The following ZNF536 variants were observed in gnomAD, a reference collection of about 807,000 sequenced individuals.
ZNF536 encodes the protein zinc finger protein 536.
Under a neutral mutation model 84.5 loss-of-function variants are expected in ZNF536, and 13 were observed. That is an observed-to-expected ratio of 0.15 (90% CI 0.10 to 0.24). The LOEUF (loss-of-function observed/expected upper bound fraction) is 0.24, where lower values mean the gene tolerates loss of function less well. ZNF536 is among the 10% of genes least tolerant of loss of function. The pLI is 1.00. For synonymous variants in ZNF536, 811 were observed against 742.5 expected (o/e 1.09, Z -1.50); for missense variants, 1,536 against 1,747.5 (o/e 0.88, Z 2.16).
chr19:30,449,440 C>G (rs868600822), intron 2 of ZNF536, among the ~76,000 whole-genome samples: 2 of 152,210 alleles, frequency 1.3e-5, no homozygotes, highest in South Asian at 2.1e-4. Context: ...TGCTCTGAGT[C>G]AGAACACAAC....
intron 1 of ZNF536, among the ~76,000 whole-genome samples, chr19:30,630,590 G>A (rs1452966902): frequency 1.3e-5 from 2 of 152,198 alleles, no homozygotes; most frequent in African/African-American, 4.8e-5. Flanking sequence ...CCTGCCAGCA[G>A]CTTCTGCTGA....
chr19:30,239,487 G>A (rs1009696896), intron 1 of ZNF536, among the ~76,000 whole-genome samples: 12 of 152,168 alleles, frequency 7.9e-5, no homozygotes, highest in African/African-American at 2.4e-4. Flanking sequence ...CTCTGCAAAC[G>A]GGGTTTCCTA....
At position 30,228,907 on chromosome 19, in the gene ZNF536, G is replaced by A. The variant is rs2022796873; in HGVS notation, c.-190+234G>A. Among the ~76,000 whole-genome samples, 1 of 151,254 alleles carries A rather than the reference G, an allele frequency of 6.6e-6. No individual in the cohort carries two copies. The highest frequency in any genetic ancestry group is 2.4e-5 in the African/African-American group (1 of 41,072). On this transcript the variant is annotated intron_variant, in intron 1 of 5. Coordinates refer to the ZNF536 transcript ENST00000585628. The surrounding 1 kb of genome is among the most constrained non-coding windows in gnomAD (Gnocchi z 4.5). ...GGGCCAGGTGAAGTGTTTGGGCCAC[G>A]CGTGTACCTGTGGCGAGACTCGGGA...
At chr19:30,674,985 C>T (rs1281689836) in intron 1 of ZNF536, among the ~76,000 whole-genome samples, 4 of 152,102 alleles carry the variant, frequency 2.6e-5, no homozygotes, top group African/African-American at 7.2e-5. Flanking sequence ...CTGAGAAACT[C>T]CTGCAGCTGA....
At chr19:30,381,313 T>C (rs2049013536) in intron 1 of ZNF536, among the ~76,000 whole-genome samples, 1 of 152,166 alleles carries the variant, frequency 6.6e-6, no homozygotes, top group South Asian at 2.1e-4. Context: ...AAGTTCCTTG[T>C]TTAAGTTATG....
intron 2 of ZNF536, among the ~76,000 whole-genome samples, chr19:30,288,505 C>G (rs1242334845): frequency 6.6e-6 from 1 of 152,152 alleles, no homozygotes; most frequent in Non-Finnish European, 1.5e-5. Context: ...GTTACCTCAC[C>G]TTGACTTTTA....
At chr19:30,229,222 C>T (rs1305149542) in intron 1 of ZNF536, among the ~76,000 whole-genome samples, 1 of 152,030 alleles carries the variant, frequency 6.6e-6, no homozygotes. Context: ...GTCCCCCTTC[C>T]CCCAGCATCA....
Position 30,548,147 on chromosome 19 carries a change from A to G in ZNF536, c.2528A>G (p.Lys843Arg), listed in dbSNP as rs2146186146. 2 of 1,614,050 alleles carry G rather than the reference A, an allele frequency of 1.2e-6. No individual in the cohort carries two copies. The highest frequency in any genetic ancestry group is 1.7e-6 in the Non-Finnish European group (2 of 1,179,960). The change falls in exon 4 of 5, where the codon AAG (lysine) becomes AGG (arginine). Residue 843 changes from lysine (K) to arginine (R), a missense_variant. By Grantham distance (26) the Lys-to-Arg change is conservative. This residue lies in a region of ZNF536 where 624 missense variants were observed against 603.1 expected (regional missense o/e 1.03). Coordinates refer to ENST00000355537, the MANE Select transcript of ZNF536 (RefSeq NM_014717.3). Reference sequence around the variant, plus strand: ...CCAGACATCCTGAGGGGGGCCTTCAAGGGTCTCCCTGGAATCGACTTCAGA... The same window carrying G: ...CCAGACATCCTGAGGGGGGCCTTCAGGGGTCTCCCTGGAATCGACTTCAGA... ...IRPDILRGAFKGLPGIDFRGG... is the reference protein window; with the variant it reads ...IRPDILRGAFRGLPGIDFRGG...
chr19:30,444,703 C>T lies in ZNF536; in HGVS notation c.1141C>T (p.Arg381Cys), dbSNP rs905189576. The change falls in exon 2 of 5, where the codon CGC becomes TGC. Residue 381 changes from arginine (R) to cysteine (C), a missense_variant. By Grantham distance (180) the Arg-to-Cys change is radical (BLOSUM62 -3). Around this residue, in one of 8 missense-constraint regions of ZNF536, gnomAD observed 25 missense variants for 78.9 expected, o/e 0.32. Transcript: ENST00000355537. Reference protein sequence around the residue: ...FEHCCQICGRRFKEPWFLKNH... With the variant: ...FEHCCQICGRCFKEPWFLKNH... ...GCACTGCTGCCAGATCTGCGGCCGG[C>T]GCTTCAAGGAGCCCTGGTTCCTCAA... is the stretch of plus-strand genomic sequence containing the variant. The T allele has an allele frequency of 1.1e-5, 18 of 1,613,764 alleles. No individual in the cohort carries two copies. The highest frequency in any genetic ancestry group is 1.3e-5 in the African/African-American group (1 of 74,944).
chr19:30,647,518 A>T (rs1414604843), intron 1 of ZNF536, among the ~76,000 whole-genome samples: 1 of 152,152 alleles, frequency 6.6e-6, no homozygotes, highest in African/African-American at 2.4e-5. Flanking sequence ...TTCCTTCAGA[A>T]ATATTTTCCT....
chr19:30,303,958 G>A (rs2145972682), intron 2 of ZNF536, among the ~76,000 whole-genome samples: 1 of 152,280 alleles, frequency 6.6e-6, no homozygotes, highest in East Asian at 1.9e-4. Flanking sequence ...ACACGTGCCA[G>A]GGAGTTAACA....
chr19:30,292,228 C>G (rs1489892179), intron 2 of ZNF536, among the ~76,000 whole-genome samples: 1 of 152,108 alleles, frequency 6.6e-6, no homozygotes, highest in Non-Finnish European at 1.5e-5. Context: ...AACCAGGACA[C>G]ATGTACCTGT....
chr19:30,690,609 A>G, intron 1 of ZNF536, among the ~76,000 whole-genome samples: 1 of 152,174 alleles, frequency 6.6e-6, no homozygotes, highest in Non-Finnish European at 1.5e-5. Context: ...TTATCCTTAA[A>G]GCAGGATCTT....
intron 2 of ZNF536, among the ~76,000 whole-genome samples, chr19:30,523,713 C>A (rs1045919025): frequency 1.3e-5 from 2 of 151,956 alleles, no homozygotes; most frequent in Non-Finnish European, 2.9e-5. Flanking sequence ...CTGCACCTGG[C>A]AGTCAGGCAC....
chr19:30,603,585 T>G (rs1599953669), intron 1 of ZNF536, among the ~76,000 whole-genome samples: 1 of 152,192 alleles, frequency 6.6e-6, no homozygotes, highest in African/African-American at 2.4e-5. Context: ...GTGCATATGA[T>G]TAAACATATA....
chr19:30,359,493 C>T lies in ZNF536; in HGVS notation c.-3+7009C>T, dbSNP rs557676992. On this transcript the variant is annotated intron_variant, in intron 3 of 5. Transcript: ENST00000585628. Reference sequence around the variant, plus strand: ...CTGACTGCATGGGGTAAGGCCGTTGCTCAGATGTGGGCAGCAATGCAGAAG... The same window carrying T: ...CTGACTGCATGGGGTAAGGCCGTTGTTCAGATGTGGGCAGCAATGCAGAAG... 3.9e-3 allele frequency among the ~76,000 whole-genome samples: 600 copies of T among 152,288 alleles called. 4 individuals carry two copies. Among genetic ancestry groups the T allele is most frequent in the Non-Finnish European group, 4.7e-3 (323 of 68,030 alleles).
chr19:30,225,688 G>GGGGC (rs1555768698), upstream of ZNF536, among the ~76,000 whole-genome samples: 110 of 77,642 alleles, frequency 1.4e-3, no homozygotes, highest in African/African-American at 7.8e-3. Context: ...AAACAAAGGT[G>GGGGC]GGGGGGGGAT....
intron 1 of ZNF536, among the ~76,000 whole-genome samples, chr19:30,408,653 GC>G (rs1403490965): frequency 6.6e-6 from 1 of 152,140 alleles, no homozygotes; most frequent in African/African-American, 2.4e-5. Context: ...GTTGCAATCT[GC>G]TTTTGTTTTA....
intron 1 of ZNF536, among the ~76,000 whole-genome samples, chr19:30,373,843 C>G (rs1335256648): frequency 6.6e-6 from 1 of 152,218 alleles, no homozygotes; most frequent in African/African-American, 2.4e-5. Context: ...TCTACACACA[C>G]GGAGGAGGAG....
Sources: gnomAD v4.1 joint callset for allele counts (sites outside exome capture counted in the v4.1 genomes callset) on GRCh38, gnomAD v4.1.1 for gene constraint, gnomAD v4.1.1 regional missense constraint, Gnocchi (gnomAD v3.1) non-coding constraint, MANE v1.5 for transcripts, NCBI Gene and HGNC (gene_info 2026-07-23, HGNC 2026-07-21) for gene names.